The following ADAMTS13 variants were observed in gnomAD, a reference collection of about 807,000 sequenced individuals.
The protein encoded by ADAMTS13 is A disintegrin and metalloproteinase with thrombospondin motifs 13.
ADAMTS13 carries 110 observed loss-of-function variants against 155.1 expected under a neutral mutation model. The ratio of observed to expected loss-of-function variants is 0.71; its 90% CI spans 0.61 to 0.83. ADAMTS13 has a LOEUF of 0.83. Among genes scored for constraint, ADAMTS13 ranks in the 40% least tolerant of loss-of-function variants. The pLI is 0.00. For missense variants in ADAMTS13, 1,707 were observed against 1,891.7 expected (o/e 0.90, Z 1.81); for synonymous variants, 758 against 756.4 (o/e 1.00, Z -0.03).
intron 6 of ADAMTS13, among the ~76,000 whole-genome samples, chr9:133,428,287 C>A (rs1427485099): frequency 6.6e-6 from 1 of 152,230 alleles, no homozygotes; most frequent in Non-Finnish European, 1.5e-5. Flanking sequence ...CCCAGAGCAG[C>A]CCTTCAAGGC....
At chr9:133,444,294 C>T (rs971012796) in intron 19 of ADAMTS13, among the ~76,000 whole-genome samples, 1 of 152,074 alleles carries the variant, frequency 6.6e-6, no homozygotes, top group Non-Finnish European at 1.5e-5. Context: ...TGCATGGAGT[C>T]AGTGATTACC....
intron 8 of ADAMTS13, 123 bp downstream of exon 8, chr9:133,430,224 C>CT: frequency 7.5e-7 from 1 of 1,326,036 alleles, no homozygotes; most frequent in Non-Finnish European, 1.0e-6. Flanking sequence ...GGTACTAAGC[C>CT]AGGGCGGCTT....
intron 1 of ADAMTS13, chr9:133,414,751 C>T: frequency 6.2e-7 from 1 of 1,614,186 alleles, no homozygotes; most frequent in South Asian, 1.1e-5. Flanking sequence ...CACCATTTGT[C>T]CTTTCCTTGG....
chr9:133,456,851 G>A lies in ADAMTS13; in HGVS notation c.3724+132G>A, dbSNP rs781929950. The A allele has an allele frequency of 4.9e-6, 6 of 1,222,840 alleles. No homozygotes were observed. The South Asian group carries it at 6.5e-5, about 13-fold the overall frequency. The allele number at this position is 1,222,840 out of a possible 1,614,324, so 75.7% of individuals were successfully genotyped here. On this transcript the variant is annotated intron_variant, in intron 27 of 28. Coordinates refer to ENST00000355699, the MANE Select transcript of ADAMTS13 (RefSeq NM_139027.6). This position sits in a 1 kb window ranked among gnomAD's most constrained non-coding sequence, Gnocchi z 4.4. ...ACGGAGGGAACTGACTGAGATGGAA[G>A]GAACTGGGGTTGGCCAGTGTCAGTC... is the stretch of plus-strand genomic sequence containing the variant.
In ADAMTS13 at chr9:133,456,398, A is replaced by G. The variant is rs375138805; in HGVS notation, c.3548-145A>G. On this transcript the variant is annotated intron_variant, in intron 26 of 28. Coordinates refer to ENST00000355699, the MANE Select transcript of ADAMTS13 (RefSeq NM_139027.6). The surrounding 1 kb of genome is among the most constrained non-coding windows in gnomAD (Gnocchi z 4.4). ...GATGAGGAAACTGAGGCTAGGAGAG[A>G]TTAAGTGATGTGCCCAGTTACTTAG... 187 of 1,374,432 alleles carry G rather than the reference A, an allele frequency of 1.4e-4. No homozygotes were observed. The African/African-American group carries it at 2.4e-3, about 18-fold the overall frequency. 85.1% of individuals were successfully genotyped at this position (1,374,432 alleles called of 1,614,324 possible). A position where few individuals can be genotyped will look rare whatever the true frequency, so the allele number is the denominator to read the frequency against.
chr9:133,421,517 C>A (rs891985360), upstream of ADAMTS13, among the ~76,000 whole-genome samples: 1 of 152,218 alleles, frequency 6.6e-6, no homozygotes, highest in Non-Finnish European at 1.5e-5. Flanking sequence ...GTCTGGCTCT[C>A]TTCCCTAGAA....
chr9:133,426,330 A>G lies in ADAMTS13; in HGVS notation c.671A>G (p.His224Arg), dbSNP rs1840280850. The G allele has an allele frequency of 1.2e-6, 2 of 1,601,792 alleles. No individual in the cohort carries two copies. The highest frequency in any genetic ancestry group is 1.1e-5 in the South Asian group (1 of 91,088). ...TTCGACCTGGGAGTCACCATTGCCCATGAGATTGGGCACAGGTATGTAGCC... is the reference window on the plus strand; with the variant it reads ...TTCGACCTGGGAGTCACCATTGCCCGTGAGATTGGGCACAGGTATGTAGCC... ...TGFDLGVTIA[H>R]EIGHSFGLEH... Residue 224 changes from histidine to arginine, a missense_variant, in exon 6 of 29, where the codon CAT (histidine) becomes CGT (arginine). His to Arg is a conservative substitution (Grantham distance 29). Around this residue, in one of 3 missense-constraint regions of ADAMTS13, gnomAD observed 733 missense variants for 749.6 expected, o/e 0.98. Transcript: ENST00000355699.
chr9:133,447,984 ATTTT>A (rs962299876), intron 21 of ADAMTS13, among the ~76,000 whole-genome samples: 2 of 143,392 alleles, frequency 1.4e-5, no homozygotes, highest in African/African-American at 5.2e-5. Flanking sequence ...TCATATTGTG[ATTTT>A]TTTTTCTTTT....
In ADAMTS13 at chr9:133,424,320, G is replaced by A. The variant is rs782101639; in HGVS notation, c.173-1G>A. 1 of 1,612,146 alleles carries A rather than the reference G, an allele frequency of 6.2e-7. No homozygotes were observed. The highest frequency in any genetic ancestry group is 1.7e-5 in the Admixed American group (1 of 60,004). ...CCTCTGCTCTCCCTCTCCCCCTCCA[G>A]GCCGCCCTCCTTCCCCTGGCTTCCA... On this transcript the variant is annotated splice_acceptor_variant, in intron 2 of 28. Transcript: ENST00000355699. LOFTEE classifies it high-confidence loss of function. The surrounding 1 kb of genome is among the most constrained non-coding windows in gnomAD (Gnocchi z 4.3).
chr9:133,427,518 G>A (rs1840362703), intron 6 of ADAMTS13, among the ~76,000 whole-genome samples: 1 of 152,214 alleles, frequency 6.6e-6, no homozygotes, highest in Non-Finnish European at 1.5e-5. Flanking sequence ...TGTGGGACAA[G>A]GCAGGGCTCC....
intron 11 of ADAMTS13, among the ~76,000 whole-genome samples, chr9:133,435,539 T>A (rs1189790499): frequency 2.6e-5 from 4 of 151,236 alleles, no homozygotes; most frequent in Non-Finnish European, 5.9e-5. Flanking sequence ...CTTTATTTTT[T>A]TTTTTTTAGA....
At chr9:133,415,088 T>C in intron 1 of ADAMTS13, 1 of 1,158,476 alleles carries the variant, frequency 8.6e-7, no homozygotes, top group Non-Finnish European at 1.2e-6. Context: ...CTTACGTGTG[T>C]ATGTATATAC....
chr9:133,450,423 C>A (rs891198960), intron 23 of ADAMTS13, among the ~76,000 whole-genome samples: 2 of 152,042 alleles, frequency 1.3e-5, no homozygotes, highest in African/African-American at 4.8e-5. Flanking sequence ...ACAAAATTAG[C>A]CGGGTGTGGT....
At chr9:133,443,247 A>C in intron 18 of ADAMTS13, 129 bp from the exon 19 acceptor site, 1 of 1,181,574 alleles carries the variant, frequency 8.5e-7, no homozygotes, top group Non-Finnish European at 1.2e-6. Flanking sequence ...GAACACCTGG[A>C]GAGGCTAGGC....
intron 21 of ADAMTS13, among the ~76,000 whole-genome samples, chr9:133,446,808 C>G (rs1162294357): frequency 6.6e-6 from 1 of 152,174 alleles, no homozygotes; most frequent in East Asian, 1.9e-4. Flanking sequence ...CATAAGAGTT[C>G]CAATGTCCTC....
intron 6 of ADAMTS13, 128 bp downstream of exon 6, chr9:133,426,473 C>A: frequency 2.3e-6 from 3 of 1,310,788 alleles, no homozygotes; most frequent in Non-Finnish European, 3.2e-6. Context: ...CCCCTCACCC[C>A]GACAGACTCA....
At chr9:133,429,793 TG>T in intron 7 of ADAMTS13, 145 bp from the exon 8 acceptor site, 2 of 1,111,936 alleles carry the variant, frequency 1.8e-6, no homozygotes, top group Non-Finnish European at 1.3e-6. Context: ...CGGCTCCTGG[TG>T]GGGGGCGCGG....
intron 24 of ADAMTS13, 123 bp downstream of exon 24, chr9:133,454,742 T>C (rs1554795253): frequency 3.1e-6 from 4 of 1,271,118 alleles, no homozygotes; most frequent in Admixed American, 4.2e-5. Context: ...AGGAGAGAGC[T>C]GCGCCCGTTG....
chr9:133,415,349 G>GA (rs1839517516), intron 1 of ADAMTS13, among the ~76,000 whole-genome samples: 1 of 151,540 alleles, frequency 6.6e-6, no homozygotes, highest in Admixed American at 6.6e-5. Flanking sequence ...AGCTTATCTA[G>GA]AAAGAATTTT....
Sources: allele counts gnomAD v4.1 joint callset (sites outside exome capture counted in the v4.1 genomes callset), GRCh38; gene constraint gnomAD v4.1.1; regional missense constraint gnomAD v4.1.1; non-coding constraint Gnocchi (gnomAD v3.1); transcripts MANE v1.5; gene names NCBI Gene and HGNC (gene_info 2026-07-23, HGNC 2026-07-21).